Variants in NEB observed in about 807,000 individuals in gnomAD.
The protein encoded by NEB is nebulin, also known as nemaline myopathy type 2.
NEB carries 512 observed loss-of-function variants against 952.2 expected under a neutral mutation model. That is an observed-to-expected ratio of 0.54 (90% CI 0.50 to 0.58). The LOEUF is 0.58. NEB is among the 20% of genes least tolerant of loss of function. NEB has a pLI of 0.00. For synonymous variants in NEB, 2,900 were observed against 3,149.8 expected, an observed-to-expected ratio of 0.92 and a Z score of 2.66; for missense variants, 8,428 against 9,231.1, an observed-to-expected ratio of 0.91 and a Z score of 3.56.
rs1302373559 is a variant in NEB, at chr2:151,518,317, C to T, written c.22800+1G>A. On this transcript the variant is annotated splice_donor_variant, in intron 156 of 181. Coordinates refer to ENST00000397345, the MANE Select transcript of NEB (RefSeq NM_001164508.2). LOFTEE classifies it high-confidence loss of function. ...GGAAAAATCGGTCTTGATCCACTTA[C>T]TATACTCTGTAATTCTGTGGCCTCT... is the stretch of plus-strand genomic sequence containing the variant. 2.5e-6 allele frequency: 4 copies of T among 1,591,506 alleles called. No individual in the cohort carries two copies. In the African/African-American group the frequency reaches 5.4e-5, roughly 21 times the overall value.
At position 151,610,524 on chromosome 2, in the gene NEB, C is replaced by T. The variant is rs750705899; in HGVS notation, c.12010G>A (p.Ala4004Thr). 24 of 1,607,492 alleles carry T rather than the reference C, an allele frequency of 1.5e-5. No individual in the cohort carries two copies. Among genetic ancestry groups the T allele is most frequent in the Admixed American group, 1.0e-4 (6 of 59,962 alleles). The change falls in exon 80 of 182, where the codon GCC (alanine) becomes ACC (threonine). Residue 4004 changes from alanine to threonine, a missense_variant. Physicochemically the swap from Ala to Thr is moderately conservative, Grantham distance 58. This residue lies in a region of NEB where 337 missense variants were observed against 297.5 expected (regional missense o/e 1.13). Transcript: ENST00000397345. ...AGATGGAAGGTACTCACGTCACTGGCGATGTCCCTGGAGGCCTTGGCACTT... is the reference window on the plus strand; with the variant it reads ...AGATGGAAGGTACTCACGTCACTGGTGATGTCCCTGGAGGCCTTGGCACTT... Reference protein sequence around the residue: ...IKSAKASRDIASDYKYKEAYE... With the variant: ...IKSAKASRDITSDYKYKEAYE...
At chr2:151,683,845 A>C (rs2099455150) in intron 28 of NEB, among the ~76,000 whole-genome samples, 1 of 152,226 alleles carries the variant, frequency 6.6e-6, no homozygotes, top group African/African-American at 2.4e-5. Context: ...TGGGTGAATA[A>C]AATATGGCAT....
intron 168 of NEB, 137 bp from the exon 169 acceptor site, chr2:151,499,527 A>C (rs1045870887): frequency 1.6e-6 from 1 of 608,654 alleles, no homozygotes; most frequent in Non-Finnish European, 2.9e-6. Context: ...CTCTCTGTTC[A>C]GGCACAGATC....
chr2:151,618,150 T>C lies in NEB; in HGVS notation c.11076+125A>G, dbSNP rs1473795349. ...TCACTAAGTAACTATGGTATTATAG[T>C]GGAAAAATCATTTAAGAAGGTATCA... On this transcript the variant is annotated intron_variant, in intron 74 of 181. Coordinates refer to ENST00000397345, the MANE Select transcript of NEB (RefSeq NM_001164508.2). 8 of 846,290 alleles carry C rather than the reference T, an allele frequency of 9.5e-6. No homozygotes were observed. In the East Asian group the frequency reaches 2.0e-4, roughly 22 times the overall value. 52.4% of individuals were successfully genotyped at this position (846,290 alleles called of 1,614,324 possible).
chr2:151,709,312 C>T (rs1213045273), intron 12 of NEB, among the ~76,000 whole-genome samples: 1 of 152,084 alleles, frequency 6.6e-6, no homozygotes, highest in Admixed American at 6.6e-5. Flanking sequence ...AGCAAAAGGC[C>T]CTTCCAGTGA....
rs765006052 is a variant in NEB at position 151,609,834 on chromosome 2, T to G, written c.12305A>C (p.Lys4102Thr). 1.3e-6 allele frequency: 2 copies of G among 1,597,060 alleles called. No individual in the cohort carries two copies. The highest frequency in any genetic ancestry group is 1.7e-6 in the Non-Finnish European group (2 of 1,170,116). The stretch of plus-strand genomic sequence containing the variant: ...ATCACTCTGCAGGTCATAGGCCTTT[T>G]TTGCTTGGATAATGTCGTTTTGATC... Reference protein sequence around the residue: ...MPDQNDIIQAKKAYDLQSDSV... With the variant: ...MPDQNDIIQATKAYDLQSDSV... The change falls in exon 81 of 182, where the codon AAA becomes ACA. Residue 4102 changes from lysine (K) to threonine (T), a missense_variant. Transcript: ENST00000397345.
In NEB at chr2:151,627,579, G is replaced by A. The variant is rs2098550303; in HGVS notation, c.10087C>T (p.Leu3363=). The change falls in exon 69 of 182, where the codon CTG becomes TTG. Residue 3363 remains leucine (L), a synonymous_variant. Coordinates refer to ENST00000397345, the MANE Select transcript of NEB (RefSeq NM_001164508.2). ...TGGATGACATCATTCTGGTCGGGCA[G>A]GCACGTCCACTCGTGCAGGTAGTTC... The part of the protein sequence containing the change: ...YKNYLHEWTC[L]PDQNDVIHAR... 3 of 1,614,028 alleles carry A rather than the reference G, an allele frequency of 1.9e-6. No homozygotes were observed. The highest frequency in any genetic ancestry group is 2.5e-6 in the Non-Finnish European group (3 of 1,179,892).
chr2:151,562,183 T>G lies in NEB; in HGVS notation c.18923A>C (p.Lys6308Thr). 1 of 1,613,446 alleles carries G rather than the reference T, an allele frequency of 6.2e-7. No individual in the cohort carries two copies. The highest frequency in any genetic ancestry group is 8.5e-7 in the Non-Finnish European group (1 of 1,179,452). The change falls in exon 121 of 182, where the codon AAA (lysine) becomes ACA (threonine). Residue 6308 changes from lysine (K) to threonine (T), a missense_variant. Physicochemically the swap from Lys to Thr is moderately conservative, Grantham distance 78. Transcript: ENST00000397345. Reference sequence around the variant, plus strand: ...ATCCCAAACGTAGCAACCAATGCCTTTCAACCAATTCAGGTCATCTTTATA... The same window carrying G: ...ATCCCAAACGTAGCAACCAATGCCTGTCAACCAATTCAGGTCATCTTTATA... ...NVYKDDLNWLKGIGCYVWDTP... is the reference protein window; with the variant it reads ...NVYKDDLNWLTGIGCYVWDTP...
At chr2:151,520,238 TA>T (rs1297591148) in intron 153 of NEB, among the ~76,000 whole-genome samples, 7 of 152,162 alleles carry the variant, frequency 4.6e-5, no homozygotes, top group Non-Finnish European at 1.0e-4. Context: ...ATTGTTATTT[TA>T]AAATAGTACT....
At chr2:151,623,453 T>C (rs1185947802) in intron 71 of NEB, among the ~76,000 whole-genome samples, 1 of 152,180 alleles carries the variant, frequency 6.6e-6, no homozygotes, top group African/African-American at 2.4e-5. Flanking sequence ...ATACAAATAA[T>C]TAAACTTCAT....
rs2095348516 is a variant in NEB at position 151,551,669 on chromosome 2, C to T, written c.19944+69G>A. ...CAAGGTCAGGTCAAGAGGAAGCAAGCTCAGCTTGCTTCCACAGAGGCTGAT... is the reference window on the plus strand; with the variant it reads ...CAAGGTCAGGTCAAGAGGAAGCAAGTTCAGCTTGCTTCCACAGAGGCTGAT... On this transcript the variant is annotated intron_variant, in intron 129 of 181. Coordinates refer to ENST00000397345, the MANE Select transcript of NEB (RefSeq NM_001164508.2). The T allele has an allele frequency of 2.4e-6, 3 of 1,245,038 alleles. No individual in the cohort carries two copies. The Admixed American group carries it at 6.0e-5, about 25-fold the overall frequency. The allele number at this position is 1,245,038 out of a possible 1,614,324, so 77.1% of individuals were successfully genotyped here. A position where few individuals can be genotyped will look rare whatever the true frequency, so the allele number is the denominator to read the frequency against.
At position 151,609,799 on chromosome 2, in the gene NEB, T is replaced by C; in HGVS notation, c.12330+10A>G. 1 of 1,552,694 alleles carries C rather than the reference T, an allele frequency of 6.4e-7. No individual in the cohort carries two copies. Among genetic ancestry groups the C allele is most frequent in the Non-Finnish European group, 8.7e-7 (1 of 1,151,214 alleles). ...CCCCTTCCCCCTTTCCCAAAATTCATGTTACGTACATCACTCTGCAGGTCA... is the reference window on the plus strand; with the variant it reads ...CCCCTTCCCCCTTTCCCAAAATTCACGTTACGTACATCACTCTGCAGGTCA... On this transcript the variant is annotated intron_variant, in intron 81 of 181. Transcript: ENST00000397345.
Position 151,502,898 on chromosome 2 carries a change from A to G in NEB, c.23836-13T>C. Reference sequence around the variant, plus strand: ...CTTTGTACAAAACCTGTGAGATACAAGAAAGTACCCAGAGGACATTTAAAA... The same window carrying G: ...CTTTGTACAAAACCTGTGAGATACAGGAAAGTACCCAGAGGACATTTAAAA... On this transcript the variant is annotated splice_polypyrimidine_tract_variant and intron_variant, in intron 166 of 181. Coordinates refer to ENST00000397345, the MANE Select transcript of NEB (RefSeq NM_001164508.2). The G allele has an allele frequency of 6.7e-7, 1 of 1,485,942 alleles. No individual in the cohort carries two copies. The highest frequency in any genetic ancestry group is 1.2e-5 in the South Asian group (1 of 84,688). 92.0% of individuals were successfully genotyped at this position (1,485,942 alleles called of 1,614,324 possible). A position where few individuals can be genotyped will look rare whatever the true frequency, so the allele number is the denominator to read the frequency against.
rs568557026 is a variant in NEB, at chr2:151,507,944, G to C, written c.23451+61C>G. The C allele has an allele frequency of 1.2e-5, 14 of 1,182,914 alleles. No individual in the cohort carries two copies. In the East Asian group the frequency reaches 2.8e-4, roughly 23 times the overall value. 73.3% of individuals were successfully genotyped at this position (1,182,914 alleles called of 1,614,324 possible). ...CACTGCAAGCCTGGGATATCCAGAG[G>C]CATCTTCCTCAGCACCCCTAGGTGC... On this transcript the variant is annotated intron_variant, in intron 162 of 181. Transcript: ENST00000397345.
intron 3 of NEB, 113 bp downstream of exon 3, chr2:151,733,008 C>T (rs532095196): frequency 7.8e-6 from 7 of 895,368 alleles, no homozygotes; most frequent in Non-Finnish European, 1.2e-5. Context: ...AATGATGACT[C>T]TTTGTGAAGT....
intron 52 of NEB, 126 bp downstream of exon 52, chr2:151,653,866 G>T (rs2099058200): frequency 1.3e-5 from 8 of 603,692 alleles, no homozygotes; most frequent in Non-Finnish European, 2.3e-5. Flanking sequence ...AAATGAAGAG[G>T]GTAGGAGAAA....
intron 77 of NEB, 115 bp downstream of exon 77, chr2:151,614,161 A>C: frequency 8.3e-7 from 1 of 1,200,850 alleles, no homozygotes; most frequent in Non-Finnish European, 1.2e-6. Context: ...TGCATTTCAG[A>C]ACATTATCCT....
intron 78 of NEB, 134 bp downstream of exon 78, chr2:151,612,052 C>T (rs1337314330): frequency 1.1e-6 from 1 of 877,888 alleles, no homozygotes; most frequent in Non-Finnish European, 1.8e-6. Context: ...CAAGCAGATG[C>T]TCTGTTAAAG....
intron 105 of NEB, among the ~76,000 whole-genome samples, chr2:151,578,697 G>A (rs71415144): frequency 1.4e-5 from 2 of 145,418 alleles, no homozygotes; most frequent in South Asian, 2.2e-4. Context: ...GAAGGAAGGA[G>A]AGAAGGAGGG....
Sources: allele counts gnomAD v4.1 joint callset (sites outside exome capture counted in the v4.1 genomes callset), GRCh38; gene constraint gnomAD v4.1.1; regional missense constraint gnomAD v4.1.1; transcripts MANE v1.5; gene names NCBI Gene and HGNC (gene_info 2026-07-23, HGNC 2026-07-21).